The following RASEF variants were observed in gnomAD, a reference collection of about 807,000 sequenced individuals.
The protein encoded by RASEF is RAS and EF-hand domain containing, also known as ras and EF-hand domain-containing protein.
RASEF carries 68 observed loss-of-function variants against 90.1 expected under a neutral mutation model. That is an observed-to-expected ratio of 0.75 (90% CI 0.62 to 0.92). The LOEUF (loss-of-function observed/expected upper bound fraction) is 0.92. Ranked by LOEUF, RASEF falls within the 40% of genes least tolerant of loss-of-function variation. The pLI, the probability that RASEF is intolerant of heterozygous loss-of-function variation, is 0.00. For missense variants in RASEF, 949 were observed against 937.2 expected (o/e 1.01, Z -0.16); for synonymous variants, 331 against 345.2 (o/e 0.96, Z 0.46).
chr9:82,999,154 T>G (rs1378654805), intron 12 of RASEF, among the ~76,000 whole-genome samples: 1 of 152,016 alleles, frequency 6.6e-6, no homozygotes, highest in Non-Finnish European at 1.5e-5. Flanking sequence ...AAGAACTCTT[T>G]AGACGAAGAA....
At chr9:83,207,209 T>C in the RASEF span, among the ~76,000 whole-genome samples, 1 of 152,184 alleles carries the variant, frequency 6.6e-6, no homozygotes, top group African/African-American at 2.4e-5. Context: ...ACGGACATTC[T>C]GCTCCAAGAG....
the RASEF span, among the ~76,000 whole-genome samples, chr9:83,073,585 G>T: frequency 6.6e-6 from 1 of 152,196 alleles, no homozygotes; most frequent in Non-Finnish European, 1.5e-5. Flanking sequence ...CCTATGTGAT[G>T]TGTGGGCTAT....
intron 16 of RASEF, among the ~76,000 whole-genome samples, chr9:82,988,413 C>A (rs1351142715): frequency 6.6e-6 from 1 of 152,130 alleles, no homozygotes; most frequent in Non-Finnish European, 1.5e-5. Context: ...CACAAAATAA[C>A]CCATCTAATT....
chr9:83,191,995 C>T, the RASEF span, among the ~76,000 whole-genome samples: 7 of 152,178 alleles, frequency 4.6e-5, no homozygotes, highest in East Asian at 1.4e-3. Context: ...CAAATCGAAA[C>T]CACAATGAGA....
chr9:82,989,539 A>G (rs1042371622), intron 16 of RASEF, among the ~76,000 whole-genome samples: 1 of 152,204 alleles, frequency 6.6e-6, no homozygotes, highest in Non-Finnish European at 1.5e-5. Flanking sequence ...ATTGAAAAAC[A>G]GCATTAAAGA....
chr9:83,008,797 G>A (rs80206742), intron 6 of RASEF, among the ~76,000 whole-genome samples: 4 of 149,620 alleles, frequency 2.7e-5, no homozygotes, highest in African/African-American at 9.9e-5. Context: ...CCATGACTAC[G>A]TTAGTGGCAC....
At chr9:83,052,352 C>G (rs1341119531) in intron 1 of RASEF, among the ~76,000 whole-genome samples, 40 of 124,020 alleles carry the variant, frequency 3.2e-4, no homozygotes, top group South Asian at 8.4e-4. Context: ...GTAGTATTCT[C>G]TGATGGTAGT....
At chr9:83,140,528 A>C in the RASEF span, among the ~76,000 whole-genome samples, 1 of 152,168 alleles carries the variant, frequency 6.6e-6, no homozygotes. Context: ...TCCAGCTTAT[A>C]TTTTGAAAAA....
At chr9:83,116,934 A>T in the RASEF span, among the ~76,000 whole-genome samples, 3 of 152,220 alleles carry the variant, frequency 2.0e-5, no homozygotes, top group African/African-American at 7.2e-5. Flanking sequence ...TCTTCTTATA[A>T]AGTAGAAAGT....
chr9:83,210,441 T>A, the RASEF span, among the ~76,000 whole-genome samples: 1 of 152,216 alleles, frequency 6.6e-6, no homozygotes, highest in African/African-American at 2.4e-5. Context: ...TTCTTCAAGG[T>A]CAGCCTGGTT....
chr9:83,048,067 G>A (rs1829964382), intron 1 of RASEF: 1 of 963,502 alleles, frequency 1.0e-6, no homozygotes, highest in East Asian at 1.2e-4. Context: ...AGCATATAAA[G>A]CAGAGGCTCT....
At chr9:83,015,737 G>T in intron 4 of RASEF, 68 bp downstream of exon 4, 2 of 1,120,580 alleles carry the variant, frequency 1.8e-6, no homozygotes, top group South Asian at 1.2e-5. Flanking sequence ...AATGTTTTTG[G>T]TTGTTAATGG....
At chr9:82,986,247 C>T (rs1260265260) in intron 16 of RASEF, among the ~76,000 whole-genome samples, 1 of 152,204 alleles carries the variant, frequency 6.6e-6, no homozygotes, top group Non-Finnish European at 1.5e-5. Flanking sequence ...TTTCCAATTT[C>T]CTCTTCTGTA....
the RASEF span, among the ~76,000 whole-genome samples, chr9:83,210,102 G>GA: frequency 6.6e-6 from 1 of 152,124 alleles, no homozygotes; most frequent in Non-Finnish European, 1.5e-5. Flanking sequence ...TTTTCCACGA[G>GA]AAAAAGGAGC....
In RASEF at chr9:82,998,375, C is replaced by A. The variant is rs1828959695; in HGVS notation, c.1795G>T (p.Gly599Cys). 1.2e-6 allele frequency: 2 copies of A among 1,611,382 alleles called. No individual in the cohort carries two copies. The highest frequency in any genetic ancestry group is 1.7e-5 in the Admixed American group (1 of 59,980). The change falls in exon 13 of 17, where the codon GGT (glycine) becomes TGT (cysteine). Residue 599 changes from glycine to cysteine, a missense_variant. Transcript: ENST00000376447. ...RTVLQLWDTA[G>C]QERFRSIAKS... ...GCGGAATGCACTTGCCTCTCCTGAC[C>A]AGCTGTATCCCAGAGCTGCAGAACT... is the stretch of plus-strand genomic sequence containing the variant.
upstream of RASEF, among the ~76,000 whole-genome samples, chr9:83,063,759 C>T (rs966620102): frequency 1.3e-5 from 2 of 152,050 alleles, no homozygotes; most frequent in African/African-American, 4.8e-5. Flanking sequence ...CTTAAACAAA[C>T]TTTATGGAAA....
At chr9:83,000,853 A>T in intron 10 of RASEF, 43 bp downstream of exon 10, 1 of 1,493,890 alleles carries the variant, frequency 6.7e-7, no homozygotes, top group Non-Finnish European at 9.3e-7. Flanking sequence ...ACAGATTTCA[A>T]TCACGTAGAA....
chr9:83,207,188 G>A, the RASEF span, among the ~76,000 whole-genome samples: 2 of 152,152 alleles, frequency 1.3e-5, no homozygotes, highest in Non-Finnish European at 2.9e-5. Flanking sequence ...TCTGCTCCAA[G>A]AGAGTCTATC....
the RASEF span, among the ~76,000 whole-genome samples, chr9:83,198,393 TA>T: frequency 6.9e-6 from 1 of 145,692 alleles, no homozygotes; most frequent in Non-Finnish European, 1.5e-5. Flanking sequence ...TTAACATGCA[TA>T]AGGAAACCTC....
Sources: gnomAD v4.1 joint callset for allele counts (sites outside exome capture counted in the v4.1 genomes callset) on GRCh38, gnomAD v4.1.1 for gene constraint, MANE v1.5 for transcripts, NCBI Gene and HGNC (gene_info 2026-07-23, HGNC 2026-07-21) for gene names.